DPH6: variants seen among roughly 807,000 people sequenced by gnomAD.
DPH6 encodes diphthamine biosynthesis 6.
Under a neutral mutation model 38.2 loss-of-function variants are expected in DPH6, and 33 were observed. The ratio of observed to expected loss-of-function variants is 0.86; its 90% CI spans 0.65 to 1.15. The LOEUF is 1.15. Among genes scored for constraint, DPH6 ranks in the 50% most tolerant of loss-of-function variants. DPH6 has a pLI of 0.00. For missense variants in DPH6, 325 were observed against 320.0 expected, an observed-to-expected ratio of 1.02 and a Z score of -0.12; for synonymous variants, 108 against 103.0, an observed-to-expected ratio of 1.05 and a Z score of -0.30.
chr15:35,284,028 G>A (rs2051921076), intron 3 of DPH6, among the ~76,000 whole-genome samples: 2 of 152,088 alleles, frequency 1.3e-5, no homozygotes, highest in African/African-American at 4.8e-5. Flanking sequence ...GTTCGGAGGG[G>A]CCAACAGGAC....
intron 3 of DPH6, among the ~76,000 whole-genome samples, chr15:35,309,537 A>G (rs2140820857): frequency 6.6e-6 from 1 of 152,300 alleles, no homozygotes; most frequent in East Asian, 1.9e-4. Flanking sequence ...GACAGAATTC[A>G]TAGTAACTGC....
At chr15:35,419,068 TACAC>T (rs145718698) in intron 5 of DPH6, among the ~76,000 whole-genome samples, 65 of 145,028 alleles carry the variant, frequency 4.5e-4, no homozygotes, top group Non-Finnish European at 7.1e-4. Context: ...CACACACACA[TACAC>T]ACACACACAC....
chr15:35,464,479 T>C (rs536531312), intron 3 of DPH6, among the ~76,000 whole-genome samples: 53 of 152,188 alleles, frequency 3.5e-4, no homozygotes, highest in Admixed American at 1.6e-3. Flanking sequence ...AATAGATTCA[T>C]AGCAGATAAC....
At chr15:35,281,084 C>T (rs976910501) in intron 3 of DPH6, among the ~76,000 whole-genome samples, 2 of 152,026 alleles carry the variant, frequency 1.3e-5, no homozygotes, top group Non-Finnish European at 1.5e-5. Flanking sequence ...AGGTATATCT[C>T]CTAATGCTAT....
chr15:35,478,427 G>A (rs150612498), intron 3 of DPH6, among the ~76,000 whole-genome samples: 2,411 of 150,572 alleles, frequency 0.016, 68 homozygotes, highest in African/African-American at 0.057. Flanking sequence ...AATATGCAGT[G>A]GATTTGGGAA....
intron 3 of DPH6, among the ~76,000 whole-genome samples, chr15:35,509,739 G>C (rs1317492366): frequency 6.6e-6 from 1 of 151,992 alleles, no homozygotes; most frequent in Non-Finnish European, 1.5e-5. Context: ...ATATTTTTTT[G>C]TCCTAAATTA....
chr15:35,341,422 T>C (rs1336840330), intron 3 of DPH6, among the ~76,000 whole-genome samples: 2 of 152,242 alleles, frequency 1.3e-5, no homozygotes, highest in Non-Finnish European at 2.9e-5. Flanking sequence ...TGGAGTGGTG[T>C]TGCAGTCATT....
At position 35,538,479 on chromosome 15, in the gene DPH6, A is replaced by C; in HGVS notation, c.119-12T>G. 6.8e-7 allele frequency: 1 copy of C among 1,480,118 alleles called. No individual in the cohort carries two copies. Among genetic ancestry groups the C allele is most frequent in the Non-Finnish European group, 9.1e-7 (1 of 1,096,054 alleles). 91.7% of individuals were successfully genotyped at this position (1,480,118 alleles called of 1,614,324 possible). On this transcript the variant is annotated splice_polypyrimidine_tract_variant and intron_variant, in intron 2 of 8. Transcript: ENST00000256538. ...TTCATCAGACCCCACTGCAACAATTAAAATGGAAATAATTAGCAAAAGAGA... is the reference window on the plus strand; with the variant it reads ...TTCATCAGACCCCACTGCAACAATTCAAATGGAAATAATTAGCAAAAGAGA...
At chr15:35,381,038 T>C (rs934671069) in intron 7 of DPH6, among the ~76,000 whole-genome samples, 4 of 152,148 alleles carry the variant, frequency 2.6e-5, no homozygotes, top group African/African-American at 4.8e-5. Flanking sequence ...CCTAGAGTTG[T>C]TGTCTTAATT....
chr15:35,298,786 G>T, intron 3 of DPH6: 2 of 1,229,770 alleles, frequency 1.6e-6, no homozygotes, highest in Non-Finnish European at 2.4e-6. Flanking sequence ...GGGCCGGGTT[G>T]GAGATCTCGG....
the DPH6 span, among the ~76,000 whole-genome samples, chr15:35,151,065 A>G: frequency 6.6e-6 from 1 of 152,216 alleles, no homozygotes; most frequent in Admixed American, 6.5e-5. Context: ...TCTAAAGGTA[A>G]TGAGACAGGA....
chr15:35,243,454 C>T (rs1321224611), intron 3 of DPH6, among the ~76,000 whole-genome samples: 1 of 143,272 alleles, frequency 7.0e-6, no homozygotes, highest in Non-Finnish European at 1.5e-5. Context: ...GTGACTTGCA[C>T]GTATATGCCC....
At chr15:35,539,625 A>G (rs2055222239) in intron 2 of DPH6, among the ~76,000 whole-genome samples, 1 of 152,078 alleles carries the variant, frequency 6.6e-6, no homozygotes, top group South Asian at 2.1e-4. Flanking sequence ...CTATCGTAGA[A>G]TAATATTTAA....
intron 3 of DPH6, among the ~76,000 whole-genome samples, chr15:35,482,720 T>C (rs1172359086): frequency 1.3e-5 from 2 of 152,024 alleles, no homozygotes; most frequent in Non-Finnish European, 2.9e-5. Context: ...AACTAAAAAA[T>C]TGTAGACGTA....
At chr15:35,511,961 A>G (rs1401214435) in intron 3 of DPH6, among the ~76,000 whole-genome samples, 1 of 152,160 alleles carries the variant, frequency 6.6e-6, no homozygotes, top group Non-Finnish European at 1.5e-5. Flanking sequence ...GTAGCACTAT[A>G]GTTTTGTTTT....
chr15:35,206,234 C>T, the DPH6 span, among the ~76,000 whole-genome samples: 3 of 152,032 alleles, frequency 2.0e-5, no homozygotes, highest in African/African-American at 7.2e-5. Flanking sequence ...GGAATGATGC[C>T]AAACATTTTG....
the DPH6 span, among the ~76,000 whole-genome samples, chr15:35,148,559 C>T: frequency 1.8e-4 from 28 of 152,062 alleles, no homozygotes; most frequent in African/African-American, 6.8e-4. Flanking sequence ...TGGTTCTTTC[C>T]TTTCCTTTTC....
chr15:35,534,714 A>C (rs926683431), intron 3 of DPH6, among the ~76,000 whole-genome samples: 6 of 152,186 alleles, frequency 3.9e-5, no homozygotes, highest in African/African-American at 1.4e-4. Context: ...TGAGAGTGTC[A>C]GCAAAAGGGA....
At chr15:35,387,932 G>A (rs1156867125) in intron 6 of DPH6, among the ~76,000 whole-genome samples, 1 of 152,020 alleles carries the variant, frequency 6.6e-6, no homozygotes, top group African/African-American at 2.4e-5. Flanking sequence ...GTTTTCAAAG[G>A]GAATGCTTCC....
Sources: gnomAD v4.1 joint callset for allele counts (sites outside exome capture counted in the v4.1 genomes callset) on GRCh38, gnomAD v4.1.1 for gene constraint, MANE v1.5 for transcripts, NCBI Gene and HGNC (gene_info 2026-07-23, HGNC 2026-07-21) for gene names.